NCF2: variants seen among roughly 807,000 people sequenced by gnomAD.
The protein encoded by NCF2 is neutrophil cytosol factor 2.
In NCF2, 45 loss-of-function variants were observed where a neutral mutation model predicts 70.9. That is an observed-to-expected ratio of 0.63 (90% confidence interval 0.50 to 0.81). The LOEUF is 0.81. Ranked by LOEUF, NCF2 falls within the 40% of genes least tolerant of loss-of-function variation. The pLI, the probability that NCF2 is intolerant of heterozygous loss-of-function variation, is 0.00. For synonymous variants in NCF2, 203 were observed against 233.6 expected (o/e 0.87, Z 1.19); for missense variants, 522 against 631.6 (o/e 0.83, Z 1.86).
intron 2 of NCF2, among the ~76,000 whole-genome samples, chr1:183,578,942 C>T (rs1672928113): frequency 2.0e-5 from 3 of 152,230 alleles, no homozygotes; most frequent in Admixed American, 1.3e-4. Context: ...TAAGCTACGC[C>T]AGCCTCACTC....
chr1:183,566,862 C>G, intron 9 of NCF2, 58 bp downstream of exon 9: 2 of 1,592,248 alleles, frequency 1.3e-6, no homozygotes, highest in Non-Finnish European at 1.7e-6. Context: ...TTTCTCCCCT[C>G]CAGGGAGAGA....
At chr1:183,569,021 T>G in intron 7 of NCF2, 121 bp downstream of exon 7, 1 of 919,116 alleles carries the variant, frequency 1.1e-6, no homozygotes, top group Non-Finnish European at 1.8e-6. Flanking sequence ...AAGCCTGACA[T>G]TCCAGAAAAT....
intron 3 of NCF2, 37 bp from the exon 4 acceptor site, chr1:183,574,658 T>C: frequency 6.2e-7 from 1 of 1,612,798 alleles, no homozygotes; most frequent in Non-Finnish European, 8.5e-7. Context: ...AACTTGAGAC[T>C]ACTCCAAATC....
chr1:183,592,789 G>A (rs982835191), upstream of NCF2, among the ~76,000 whole-genome samples: 1 of 152,048 alleles, frequency 6.6e-6, no homozygotes, highest in Non-Finnish European at 1.5e-5. Flanking sequence ...TCCTTAATCT[G>A]ACTGCCAAGA....
chr1:183,590,120 C>A, intron 1 of NCF2, 36 bp downstream of exon 1: 2 of 1,613,522 alleles, frequency 1.2e-6, no homozygotes, highest in Non-Finnish European at 1.7e-6. Context: ...ATAACAAATG[C>A]ACAGAGGAGG....
At chr1:183,561,128 T>C (rs1558091081) in intron 13 of NCF2, among the ~76,000 whole-genome samples, 2 of 152,258 alleles carry the variant, frequency 1.3e-5, no homozygotes, top group African/African-American at 2.4e-5. Flanking sequence ...CTTAGACTTA[T>C]GATCTTAGAC....
intron 14 of NCF2, among the ~76,000 whole-genome samples, chr1:183,558,511 GC>G (rs1298491376): frequency 1.3e-5 from 2 of 150,664 alleles, no homozygotes; most frequent in African/African-American, 4.9e-5. Flanking sequence ...CAAGCAGTCA[GC>G]CCACATTGAC....
chr1:183,586,400 T>C (rs1673351743), intron 2 of NCF2, among the ~76,000 whole-genome samples: 1 of 152,254 alleles, frequency 6.6e-6, no homozygotes, highest in Non-Finnish European at 1.5e-5. Flanking sequence ...GCTACTTACT[T>C]ATCTGTAGTA....
chr1:183,583,117 A>T (rs1673187110), intron 2 of NCF2, among the ~76,000 whole-genome samples: 1 of 151,804 alleles, frequency 6.6e-6, no homozygotes, highest in Admixed American at 6.6e-5. Flanking sequence ...CAGTGGTGTT[A>T]TCTCGGTTCA....
In NCF2 at chr1:183,560,152, G is replaced by A. The variant is rs2102875713; in HGVS notation, c.1412C>T (p.Thr471Ile). 1 of 1,614,124 alleles carries A rather than the reference G, an allele frequency of 6.2e-7. No individual in the cohort carries two copies. Among genetic ancestry groups the A allele is most frequent in the Non-Finnish European group, 8.5e-7 (1 of 1,180,016 alleles). Reference protein sequence around the residue: ...QVEALFSYEATQPEDLEFQEG... With the variant: ...QVEALFSYEAIQPEDLEFQEG... ...CTGAAACTCCAGGTCCTCTGGTTGG[G>A]TAGCCTCATAACTGAAGAGTGCCTC... is the stretch of plus-strand genomic sequence containing the variant. The change falls in exon 14 of 15, where the codon ACC (threonine) becomes ATC (isoleucine). Residue 471 changes from threonine to isoleucine, a missense_variant. Physicochemically the swap from Thr to Ile is moderately conservative, Grantham distance 89 (BLOSUM62 -1). Transcript: ENST00000367535.
intron 9 of NCF2, among the ~76,000 whole-genome samples, 174 bp downstream of exon 9, chr1:183,566,746 C>T (rs1185476860): frequency 1.3e-5 from 2 of 152,206 alleles, no homozygotes; most frequent in Non-Finnish European, 2.9e-5. Flanking sequence ...GGCTTTTTTC[C>T]CCTCATTCCC....
chr1:183,563,219 C>A lies in NCF2; in HGVS notation c.1266G>T (p.Leu422=), dbSNP rs1368056555. 1.2e-6 allele frequency: 2 copies of A among 1,614,198 alleles called. No individual in the cohort carries two copies. The highest frequency in any genetic ancestry group is 2.2e-5 in the East Asian group (1 of 44,884). ...CCACTGTGTTCTCACACCACAGAGT[C>A]AGGCAGTAGTTTTTCACCTGGCCCC... ...DAWGQVKNYC[L]TLWCENTVGD... is the part of the protein sequence containing the mutation. Residue 422 remains leucine, a synonymous_variant, in exon 13 of 15, where the codon CTG becomes CTT. Transcript: ENST00000367535.
chr1:183,565,753 G>A lies in NCF2; in HGVS notation c.951C>T (p.Ile317=), dbSNP rs753471440. The change falls in exon 10 of 15, where the codon ATC becomes ATT. Residue 317 remains isoleucine (I), a synonymous_variant. Transcript: ENST00000367535. The part of the protein sequence containing the change: ...PQEESSPQSD[I]PAPPSSKAPG... ...GGGCTTTGGAACTAGGAGGAGCTGG[G>A]ATGTCGGACTGCGGAGAGCTTTCCT... The A allele has an allele frequency of 1.2e-6, 2 of 1,613,250 alleles. No individual in the cohort carries two copies. Among genetic ancestry groups the A allele is most frequent in the South Asian group, 1.1e-5 (1 of 91,036 alleles).
At chr1:183,601,496 A>C in the NCF2 span, among the ~76,000 whole-genome samples, 31 of 152,326 alleles carry the variant, frequency 2.0e-4, no homozygotes, top group South Asian at 8.3e-4. Flanking sequence ...ATTTTTTTAA[A>C]AGTATAACTA....
upstream of NCF2, among the ~76,000 whole-genome samples, chr1:183,592,943 C>A (rs1234865108): frequency 6.6e-6 from 1 of 152,146 alleles, no homozygotes; most frequent in Non-Finnish European, 1.5e-5. Flanking sequence ...CATGTCTGCA[C>A]CTTCAAACCC....
intron 1 of NCF2, among the ~76,000 whole-genome samples, chr1:183,589,210 C>A (rs1231659501): frequency 2.0e-5 from 3 of 152,138 alleles, no homozygotes; most frequent in African/African-American, 7.2e-5. Flanking sequence ...CTTTAAGGGA[C>A]CTGGGGAGTC....
At chr1:183,590,091 A>G in intron 1 of NCF2, 65 bp downstream of exon 1, 2 of 1,607,676 alleles carry the variant, frequency 1.2e-6, no homozygotes, top group Non-Finnish European at 1.7e-6. Context: ...TCCGAAATGC[A>G]ATGGGGTTGA....
At chr1:183,572,236 G>A (rs1350106506) in intron 5 of NCF2, among the ~76,000 whole-genome samples, 1 of 152,218 alleles carries the variant, frequency 6.6e-6, no homozygotes, top group Non-Finnish European at 1.5e-5. Flanking sequence ...CCAGGCTGGA[G>A]TGCAATGGCA....
intron 14 of NCF2, among the ~76,000 whole-genome samples, chr1:183,556,588 G>A (rs1299365457): frequency 6.6e-6 from 1 of 152,224 alleles, no homozygotes; most frequent in East Asian, 1.9e-4. Flanking sequence ...CTGGAGTGCA[G>A]TGGCACAATC....
Sources: gnomAD v4.1 joint callset for allele counts (sites outside exome capture counted in the v4.1 genomes callset) on GRCh38, gnomAD v4.1.1 for gene constraint, MANE v1.5 for transcripts, NCBI Gene and HGNC (gene_info 2026-07-23, HGNC 2026-07-21) for gene names.